The following SCML4 variants were observed in gnomAD, a reference collection of about 807,000 sequenced individuals.
The protein encoded by SCML4 is sex comb on midleg-like protein 4.
Under a neutral mutation model 41.1 loss-of-function variants are expected in SCML4, and 34 were observed. The ratio of observed to expected loss-of-function variants is 0.83; its 90% CI spans 0.63 to 1.10. SCML4 has a LOEUF of 1.10. Among genes scored for constraint, SCML4 ranks in the 50% least tolerant of loss-of-function variants. The pLI is 0.00. For missense variants in SCML4, 522 were observed against 534.1 expected, an observed-to-expected ratio of 0.98 and a Z score of 0.22; for synonymous variants, 214 against 220.9, an observed-to-expected ratio of 0.97 and a Z score of 0.28.
chr6:107,817,257 C>T (rs1229912578), intron 1 of SCML4, among the ~76,000 whole-genome samples: 2 of 152,332 alleles, frequency 1.3e-5, no homozygotes, highest in East Asian at 3.9e-4. Context: ...AATTTCTCAG[C>T]ATTTGACCTG....
At chr6:107,748,810 G>A (rs78439756) in intron 3 of SCML4, among the ~76,000 whole-genome samples, 153 of 152,312 alleles carry the variant, frequency 1.0e-3, no homozygotes, top group African/African-American at 3.6e-3. Context: ...GCCCATCTGG[G>A]GGACCCTGGC....
At chr6:107,840,464 A>G in the SCML4 span, among the ~76,000 whole-genome samples, 1 of 152,226 alleles carries the variant, frequency 6.6e-6, no homozygotes, top group South Asian at 2.1e-4. Context: ...GATAGCTGAA[A>G]CAGGGAATCT....
rs763141450 is a variant in SCML4, at chr6:107,746,865, G to C, written c.311C>G (p.Ala104Gly). 6.2e-7 allele frequency: 1 copy of C among 1,613,516 alleles called. No homozygotes were observed. Among genetic ancestry groups the C allele is most frequent in the Non-Finnish European group, 8.5e-7 (1 of 1,179,706 alleles). Reference sequence around the variant, plus strand: ...CCTCTCCAGATAGGGCCCCGCATTGGCCTGCTTGTTGATGTAGAGGCAGAC... The same window carrying C: ...CCTCTCCAGATAGGGCCCCGCATTGCCCTGCTTGTTGATGTAGAGGCAGAC... ...LTVCLYINKQANAGPYLERKK... is the reference protein window; with the variant it reads ...LTVCLYINKQGNAGPYLERKK... The change falls in exon 4 of 8, where the codon GCC (alanine) becomes GGC (glycine). Residue 104 changes from alanine to glycine, a missense_variant. Ala to Gly is a moderately conservative substitution (Grantham distance 60). Coordinates refer to ENST00000369020, the MANE Select transcript of SCML4 (RefSeq NM_198081.5).
At chr6:107,840,797 T>G in the SCML4 span, among the ~76,000 whole-genome samples, 2 of 152,158 alleles carry the variant, frequency 1.3e-5, no homozygotes, top group Non-Finnish European at 2.9e-5. Flanking sequence ...GGAGGAGCCA[T>G]CTGAACCCAT....
intron 1 of SCML4, among the ~76,000 whole-genome samples, chr6:107,792,985 C>T (rs991554927): frequency 6.6e-6 from 1 of 152,022 alleles, no homozygotes; most frequent in Non-Finnish European, 1.5e-5. Flanking sequence ...AGAACTAAGA[C>T]AAATATTGAA....
At chr6:107,793,314 G>T (rs1049642422) in intron 1 of SCML4, among the ~76,000 whole-genome samples, 2 of 152,222 alleles carry the variant, frequency 1.3e-5, no homozygotes. Context: ...TACCTCAGCA[G>T]CAACAAGAGC....
chr6:107,707,194 G>A (rs199791949), intron 7 of SCML4, among the ~76,000 whole-genome samples: 12 of 138,514 alleles, frequency 8.7e-5, no homozygotes, highest in African/African-American at 2.2e-4. Context: ...CCAGCTGCTC[G>A]GGTGGGCTGA....
chr6:107,798,089 T>G (rs1006010141), intron 1 of SCML4, among the ~76,000 whole-genome samples: 1 of 151,984 alleles, frequency 6.6e-6, no homozygotes, highest in Non-Finnish European at 1.5e-5. Flanking sequence ...TCTTTTCTTA[T>G]AGTATCCTTG....
the SCML4 span, among the ~76,000 whole-genome samples, chr6:107,833,470 G>A: frequency 6.6e-6 from 1 of 152,112 alleles, no homozygotes; most frequent in African/African-American, 2.4e-5. Context: ...GGTTCTGCAA[G>A]GCTGAGGAGC....
intron 2 of SCML4, among the ~76,000 whole-genome samples, chr6:107,756,635 T>C (rs1171803335): frequency 6.6e-6 from 1 of 152,144 alleles, no homozygotes; most frequent in African/African-American, 2.4e-5. Flanking sequence ...AGTATTATGA[T>C]GGGTTCACTA....
At chr6:107,711,977 C>T (rs1728123) in intron 6 of SCML4, among the ~76,000 whole-genome samples, 114,084 of 151,932 alleles carry the variant, frequency 0.75, 43,030 homozygotes, top group Admixed American at 0.81. Context: ...ACTTTGAGAT[C>T]TTCCCTGCCT....
chr6:107,796,801 T>C (rs565999849), intron 1 of SCML4, among the ~76,000 whole-genome samples: 108 of 152,196 alleles, frequency 7.1e-4, no homozygotes, highest in Non-Finnish European at 1.4e-3. Context: ...CACATTATTT[T>C]GTTGTTGTAC....
chr6:107,715,854 T>C (rs1019300392), intron 6 of SCML4, among the ~76,000 whole-genome samples: 1 of 152,202 alleles, frequency 6.6e-6, no homozygotes, highest in Non-Finnish European at 1.5e-5. Context: ...ATTAGTACCA[T>C]GGGGAAAATG....
chr6:107,760,646 A>G (rs1779508120), intron 2 of SCML4, among the ~76,000 whole-genome samples: 1 of 152,218 alleles, frequency 6.6e-6, no homozygotes, highest in African/African-American at 2.4e-5. Flanking sequence ...CTCTGGAGAA[A>G]GGTTTCAAAG....
intron 1 of SCML4, among the ~76,000 whole-genome samples, chr6:107,787,408 G>A (rs909491661): frequency 6.6e-6 from 1 of 152,058 alleles, no homozygotes; most frequent in Non-Finnish European, 1.5e-5. Flanking sequence ...ACTCAGCCTC[G>A]GCACTCACAT....
At chr6:107,817,803 C>T (rs936989078) in intron 1 of SCML4, among the ~76,000 whole-genome samples, 1 of 152,104 alleles carries the variant, frequency 6.6e-6, no homozygotes, top group Non-Finnish European at 1.5e-5. Context: ...GGCCCCCACA[C>T]ATTCTCACAC....
intron 5 of SCML4, among the ~76,000 whole-genome samples, chr6:107,737,807 G>A (rs1427083020): frequency 6.6e-6 from 1 of 152,074 alleles, no homozygotes; most frequent in African/African-American, 2.4e-5. Context: ...ACATTATTTG[G>A]GTGATGGGTG....
chr6:107,759,368 A>ATAT (rs61536006), intron 2 of SCML4, among the ~76,000 whole-genome samples: 2 of 149,010 alleles, frequency 1.3e-5, no homozygotes, highest in African/African-American at 5.1e-5. Context: ...TACATACATA[A>ATAT]GGCTGCTGTT....
At chr6:107,729,553 C>T (rs1314195777) in intron 5 of SCML4, among the ~76,000 whole-genome samples, 2 of 152,224 alleles carry the variant, frequency 1.3e-5, no homozygotes, top group East Asian at 3.8e-4. Context: ...TTTGAACATA[C>T]ACGATTCAGC....
Sources: gnomAD v4.1 joint callset for allele counts (sites outside exome capture counted in the v4.1 genomes callset) on GRCh38, gnomAD v4.1.1 for gene constraint, MANE v1.5 for transcripts, NCBI Gene and HGNC (gene_info 2026-07-23, HGNC 2026-07-21) for gene names.